NBEA: variants seen among roughly 807,000 people sequenced by gnomAD.
NBEA encodes the protein lysosomal-trafficking regulator 2.
Under a neutral mutation model 343.4 loss-of-function variants are expected in NBEA, and 44 were observed. The ratio of observed to expected loss-of-function variants is 0.13; its 90% CI spans 0.10 to 0.16. The LOEUF is 0.16. Among genes scored for constraint, NBEA ranks in the 10% least tolerant of loss-of-function variants. The probability of loss-of-function intolerance (pLI) is 1.00; values close to 1 mark genes in which losing one functional copy is unlikely to be tolerated. For synonymous variants in NBEA, 1,175 were observed against 1,238.7 expected (o/e 0.95, Z 1.08); for missense variants, 2,555 against 3,631.3 (o/e 0.70, Z 7.62).
chr13:35,178,413 C>G (rs1256200262), intron 28 of NBEA, among the ~76,000 whole-genome samples: 1 of 151,602 alleles, frequency 6.6e-6, no homozygotes, highest in Admixed American at 6.6e-5. Context: ...CGTAGTCATT[C>G]AGCAGTGACC....
At position 35,048,144 on chromosome 13, in the gene NBEA, T is replaced by C. The variant is rs373149007; in HGVS notation, c.724-419T>C. ...TTCAATATTGATTCCATTAACATTT[T>C]CTAGCTCAGTCATTTTTGGCTTTAA... On this transcript the variant is annotated intron_variant, in intron 4 of 58. Transcript: ENST00000379939. 1.1e-4 allele frequency among the ~76,000 whole-genome samples: 16 copies of C among 152,070 alleles called. No individual in the cohort carries two copies. The East Asian group carries it at 2.9e-3, about 28-fold the overall frequency.
chr13:35,359,170 G>T (rs1594342726), intron 38 of NBEA, among the ~76,000 whole-genome samples: 1 of 152,166 alleles, frequency 6.6e-6, no homozygotes, highest in Non-Finnish European at 1.5e-5. Flanking sequence ...ACATCAGTCT[G>T]GCTGTTATGT....
At chr13:35,161,182 A>C (rs1448723698) in intron 22 of NBEA, among the ~76,000 whole-genome samples, 2 of 150,868 alleles carry the variant, frequency 1.3e-5, no homozygotes, top group Admixed American at 6.6e-5. Flanking sequence ...TTTATTGAAC[A>C]ATAGGCTTGC....
chr13:35,623,169 A>C (rs1184952293), intron 48 of NBEA, among the ~76,000 whole-genome samples: 1 of 152,198 alleles, frequency 6.6e-6, no homozygotes, highest in Non-Finnish European at 1.5e-5. Flanking sequence ...TAGCTTAGTA[A>C]TCAAGTATTT....
intron 34 of NBEA, among the ~76,000 whole-genome samples, chr13:35,238,240 A>G (rs2075323185): frequency 1.3e-5 from 2 of 152,196 alleles, no homozygotes; most frequent in African/African-American, 4.8e-5. Context: ...TATTCAGAGT[A>G]ACTTAGTTAT....
At chr13:35,071,147 T>G (rs1051831759) in intron 10 of NBEA, among the ~76,000 whole-genome samples, 11 of 152,196 alleles carry the variant, frequency 7.2e-5, no homozygotes, top group African/African-American at 2.4e-4. Flanking sequence ...AATCCTGACC[T>G]TATCATTTGC....
chr13:34,978,632 C>G (rs1430043438), intron 1 of NBEA, among the ~76,000 whole-genome samples: 1 of 152,112 alleles, frequency 6.6e-6, no homozygotes, highest in Non-Finnish European at 1.5e-5. Flanking sequence ...CTCCATACTC[C>G]CAGAGATGGT....
chr13:35,635,897 G>GAAACA (rs2083672452), intron 49 of NBEA, among the ~76,000 whole-genome samples: 1 of 152,202 alleles, frequency 6.6e-6, no homozygotes, highest in Non-Finnish European at 1.5e-5. Context: ...AATGCAGCTA[G>GAAACA]TCAAAGTTGG....
intron 22 of NBEA, 70 bp from the exon 23 acceptor site, chr13:35,161,680 A>G (rs2069572615): frequency 8.1e-7 from 1 of 1,233,250 alleles, no homozygotes; most frequent in Middle Eastern, 2.1e-4. Context: ...ACTTTACTAT[A>G]CTCACAGTTT....
chr13:35,479,631 C>A (rs755696015), intron 41 of NBEA, among the ~76,000 whole-genome samples: 1 of 151,992 alleles, frequency 6.6e-6, no homozygotes, highest in African/African-American at 2.4e-5. Context: ...AAAAAAATAT[C>A]ATTTGACCTA....
chr13:35,005,316 A>G (rs1341339397), intron 1 of NBEA, among the ~76,000 whole-genome samples: 2 of 151,862 alleles, frequency 1.3e-5, no homozygotes, highest in East Asian at 3.9e-4. Flanking sequence ...TGGAGTTTTC[A>G]AAGCTTGTGG....
chr13:35,039,293 C>T (rs891960163), intron 1 of NBEA, among the ~76,000 whole-genome samples: 18 of 152,024 alleles, frequency 1.2e-4, no homozygotes, highest in African/African-American at 3.9e-4. Context: ...GTGTCTCTTT[C>T]AGTGATACGA....
chr13:35,150,845 G>T (rs2068736092), intron 18 of NBEA, among the ~76,000 whole-genome samples: 3 of 128,274 alleles, frequency 2.3e-5, no homozygotes, highest in Admixed American at 1.5e-4. Flanking sequence ...GCCAGGCACA[G>T]TGACTCATGC....
At chr13:34,949,892 A>G (rs887798809) in intron 1 of NBEA, among the ~76,000 whole-genome samples, 2 of 152,074 alleles carry the variant, frequency 1.3e-5, no homozygotes, top group African/African-American at 2.4e-5. Flanking sequence ...TACACTTTCT[A>G]TTGTGTCTAA....
intron 40 of NBEA, among the ~76,000 whole-genome samples, chr13:35,454,400 T>C (rs2046454747): frequency 6.6e-6 from 1 of 152,234 alleles, no homozygotes; most frequent in Non-Finnish European, 1.5e-5. Context: ...AATACGTAAC[T>C]GTTTTTGCCC....
chr13:35,180,268 C>T (rs1184697333), intron 28 of NBEA, among the ~76,000 whole-genome samples: 2 of 151,714 alleles, frequency 1.3e-5, no homozygotes, highest in Non-Finnish European at 3.0e-5. Flanking sequence ...TTGAAAGTAT[C>T]AGTTTTACCT....
chr13:35,301,934 C>G (rs966525682), intron 35 of NBEA, among the ~76,000 whole-genome samples: 1 of 152,062 alleles, frequency 6.6e-6, no homozygotes, highest in Non-Finnish European at 1.5e-5. Context: ...ATGCTAAATC[C>G]CAGAAAATAG....
At chr13:35,074,750 TAA>T (rs1458541508) in intron 10 of NBEA, among the ~76,000 whole-genome samples, 1 of 152,172 alleles carries the variant, frequency 6.6e-6, no homozygotes, top group African/African-American at 2.4e-5. Flanking sequence ...ATATAAATAG[TAA>T]AAAGGTTACT....
chr13:35,278,577 C>G (rs538506341), intron 34 of NBEA, among the ~76,000 whole-genome samples: 4 of 152,152 alleles, frequency 2.6e-5, no homozygotes, highest in African/African-American at 9.7e-5. Context: ...ACTTTTGATT[C>G]TTGTTTTCAA....
Sources: gnomAD v4.1 joint callset for allele counts (sites outside exome capture counted in the v4.1 genomes callset) on GRCh38, gnomAD v4.1.1 for gene constraint, MANE v1.5 for transcripts, NCBI Gene and HGNC (gene_info 2026-07-23, HGNC 2026-07-21) for gene names.